FGFR1: variants seen among roughly 807,000 people sequenced by gnomAD.
FGFR1 encodes fibroblast growth factor receptor 1, also known as FGFR1/PLAG1 fusion.
Under a neutral mutation model 93.7 loss-of-function variants are expected in FGFR1, and 18 were observed. That is an observed-to-expected ratio of 0.19 (90% CI 0.13 to 0.28). FGFR1 has a LOEUF of 0.28. Among genes scored for constraint, FGFR1 ranks in the 10% least tolerant of loss-of-function variants. The pLI is 1.00. For missense variants in FGFR1, 731 were observed against 1,080.4 expected (o/e 0.68, Z 4.53); for synonymous variants, 448 against 429.3 (o/e 1.04, Z -0.54).
At chr8:38,438,985 G>T (rs947550596) in intron 2 of FGFR1, among the ~76,000 whole-genome samples, 14 of 152,136 alleles carry the variant, frequency 9.2e-5, no homozygotes, top group Non-Finnish European at 1.9e-4. Context: ...AGCAGGCTCG[G>T]CTGTCCAAAT....
chr8:38,411,196 G>A lies in FGFR1; in HGVS notation c.*2432C>T, dbSNP rs1367119878. On this transcript the variant is annotated 3_prime_UTR_variant, in exon 18 of 18. Coordinates refer to ENST00000447712, the MANE Select transcript of FGFR1 (RefSeq NM_023110.3). ...TAGCGCAGTCTTTGGGGAAATTTGTGGGTGATTTGAGTAGTAACAGCAAGG... is the reference window on the plus strand; with the variant it reads ...TAGCGCAGTCTTTGGGGAAATTTGTAGGTGATTTGAGTAGTAACAGCAAGG... 3 of 202,774 alleles carry A rather than the reference G, an allele frequency of 1.5e-5. No homozygotes were observed. The highest frequency in any genetic ancestry group is 3.0e-5 in the Non-Finnish European group (3 of 98,742). The allele number at this position is 202,774 out of a possible 1,614,324, so 12.6% of individuals were successfully genotyped here.
intron 2 of FGFR1, among the ~76,000 whole-genome samples, chr8:38,456,174 G>A (rs762504563): frequency 1.3e-5 from 2 of 152,104 alleles, no homozygotes; most frequent in African/African-American, 2.4e-5. Flanking sequence ...ACCCCATCAC[G>A]CGCACCTCCA....
chr8:38,454,668 G>A (rs879558441), intron 2 of FGFR1, among the ~76,000 whole-genome samples: 4 of 152,188 alleles, frequency 2.6e-5, no homozygotes, highest in African/African-American at 9.6e-5. Context: ...GGCAGCAATA[G>A]CAACTATTAA....
At chr8:38,450,784 C>T (rs992875072) in intron 2 of FGFR1, among the ~76,000 whole-genome samples, 4 of 152,200 alleles carry the variant, frequency 2.6e-5, no homozygotes, top group Admixed American at 1.3e-4. Context: ...CTTCAGGGAG[C>T]GGGCCTGGCA....
intron 1 of FGFR1, among the ~76,000 whole-genome samples, chr8:38,462,902 C>CTTTT (rs11364295): frequency 8.7e-6 from 1 of 114,830 alleles, no homozygotes; most frequent in African/African-American, 3.3e-5. Flanking sequence ...CTGTGCCTGG[C>CTTTT]TTTTTTTTTT....
At chr8:38,432,599 G>T (rs949367809) in intron 2 of FGFR1, among the ~76,000 whole-genome samples, 43 of 151,976 alleles carry the variant, frequency 2.8e-4, no homozygotes, top group Admixed American at 5.9e-4. Flanking sequence ...TTTTAGTAGA[G>T]AAGGGGAATG....
intron 2 of FGFR1, among the ~76,000 whole-genome samples, chr8:38,450,116 G>T (rs571915236): frequency 6.6e-6 from 1 of 152,192 alleles, no homozygotes; most frequent in Non-Finnish European, 1.5e-5. Flanking sequence ...ATTTAGCCCA[G>T]GCCCTTCAGA....
At chr8:38,418,464 A>G in intron 9 of FGFR1, 91 bp from the exon 10 acceptor site, 1 of 1,429,136 alleles carries the variant, frequency 7.0e-7, no homozygotes, top group Non-Finnish European at 9.6e-7. Flanking sequence ...ACAATGGCAG[A>G]GGCACATGTC....
At chr8:38,427,105 T>TA (rs35028972) in intron 5 of FGFR1, among the ~76,000 whole-genome samples, 29,294 of 133,890 alleles carry the variant, frequency 0.22, 3,178 homozygotes, top group East Asian at 0.32. Flanking sequence ...AGACTCCGTC[T>TA]AAAAAAAAAA....
chr8:38,437,098 T>C (rs1287209324), intron 2 of FGFR1, among the ~76,000 whole-genome samples: 1 of 152,190 alleles, frequency 6.6e-6, no homozygotes, highest in Non-Finnish European at 1.5e-5. Context: ...CAGGCTGGTC[T>C]TGAACTCCTG....
chr8:38,466,779 T>C (rs1318769428), intron 1 of FGFR1: 128 of 183,640 alleles, frequency 7.0e-4, no homozygotes, highest in Middle Eastern at 1.9e-3. Context: ...CAGATGCGGC[T>C]GCTACATCTG....
chr8:38,415,205 C>A (rs528559996), intron 13 of FGFR1, among the ~76,000 whole-genome samples: 7 of 152,226 alleles, frequency 4.6e-5, no homozygotes, highest in African/African-American at 9.6e-5. Context: ...TGGGCTCAAA[C>A]CAGGCCAGCC....
intron 2 of FGFR1, among the ~76,000 whole-genome samples, chr8:38,445,115 T>TTA (rs753712718): frequency 7.3e-4 from 111 of 152,300 alleles, no homozygotes; most frequent in Admixed American, 3.1e-3. Flanking sequence ...TCTTGTGAGA[T>TTA]GATAGAGGGG....
At chr8:38,451,792 C>G (rs1007935238) in intron 2 of FGFR1, among the ~76,000 whole-genome samples, 6 of 152,104 alleles carry the variant, frequency 3.9e-5, no homozygotes, top group Admixed American at 2.6e-4. Flanking sequence ...GGGCAGGACC[C>G]CCACCCCAAC....
At position 38,414,178 on chromosome 8, in the gene FGFR1, G is replaced by A. The variant is rs756938519; in HGVS notation, c.2160C>T (p.Asp720=). The A allele has an allele frequency of 1.2e-5, 20 of 1,614,200 alleles. No homozygotes were observed. Among genetic ancestry groups the A allele is most frequent in the Non-Finnish European group, 9.3e-6 (11 of 1,180,026 alleles). Residue 720 remains aspartate, a synonymous_variant, in exon 16 of 18, where the codon GAC becomes GAT. Transcript: ENST00000447712. The stretch of plus-strand genomic sequence containing the variant: ...GCTCGTTGGTGCAGTTACTGGGCTT[G>A]TCCATGCGGTGACCCTCCTTCAGCA... ...FKLLKEGHRM[D]KPSNCTNELY...
At chr8:38,440,444 G>A (rs1827014844) in intron 2 of FGFR1, 3 of 1,313,642 alleles carry the variant, frequency 2.3e-6, no homozygotes, top group Admixed American at 2.6e-5. Context: ...CAAATAGAAG[G>A]AGAGCTGCAA....
chr8:38,428,254 G>T, intron 4 of FGFR1, 92 bp downstream of exon 4: 1 of 1,478,810 alleles, frequency 6.8e-7, no homozygotes, highest in Middle Eastern at 2.0e-4. Flanking sequence ...GACCCCATGT[G>T]CCCTCCTCTT....
intron 2 of FGFR1, among the ~76,000 whole-genome samples, chr8:38,432,943 C>T (rs949296203): frequency 3.4e-4 from 48 of 141,442 alleles, no homozygotes; most frequent in African/African-American, 1.1e-3. Flanking sequence ...GCTTTCAGCA[C>T]GGCTGCATCC....
Position 38,424,446 on chromosome 8 carries a change from A to G in FGFR1, c.936+63T>C, listed in dbSNP as rs2150808990. 6.3e-7 allele frequency: 1 copy of G among 1,589,708 alleles called. No homozygotes were observed. The highest frequency in any genetic ancestry group is 8.6e-7 in the Non-Finnish European group (1 of 1,158,098). ...AACTGAGCCTGCCCACAGGAACTTG[A>G]GCCCCCGAGACAGTGGTCTCCTTCC... On this transcript the variant is annotated intron_variant, in intron 7 of 17. Coordinates refer to ENST00000447712, the MANE Select transcript of FGFR1 (RefSeq NM_023110.3). This position sits in a 1 kb window ranked among gnomAD's most constrained non-coding sequence, Gnocchi z 4.3.
Sources: allele counts gnomAD v4.1 joint callset (sites outside exome capture counted in the v4.1 genomes callset), GRCh38; gene constraint gnomAD v4.1.1; non-coding constraint Gnocchi (gnomAD v3.1); transcripts MANE v1.5; gene names NCBI Gene and HGNC (gene_info 2026-07-23, HGNC 2026-07-21).